SETDB1: variants seen among roughly 807,000 people sequenced by gnomAD.
SETDB1 encodes the protein histone-lysine N-methyltransferase SETDB1.
Under a neutral mutation model 137.4 loss-of-function variants are expected in SETDB1, and 31 were observed. That is an observed-to-expected ratio of 0.23 (90% CI 0.17 to 0.30). The LOEUF is 0.30. Ranked by LOEUF, SETDB1 falls within the 10% of genes least tolerant of loss-of-function variation. SETDB1 has a pLI of 1.00. For synonymous variants in SETDB1, 548 were observed against 579.9 expected (o/e 0.95, Z 0.79); for missense variants, 1,113 against 1,631.5 (o/e 0.68, Z 5.47).
At chr1:150,963,855 T>G in intron 20 of SETDB1, 114 bp downstream of exon 20, 1 of 1,308,742 alleles carries the variant, frequency 7.6e-7, no homozygotes, top group Non-Finnish European at 1.1e-6. Flanking sequence ...CAAAGGATCT[T>G]AAAGAGGTAG....
chr1:150,960,601 C>T lies in SETDB1; in HGVS notation c.2542C>T (p.Leu848=). The change falls in exon 16 of 22, where the codon CTG becomes TTG. Residue 848 remains leucine (L), a synonymous_variant. Coordinates refer to ENST00000692827, the MANE Select transcript of SETDB1 (RefSeq NM_001366418.1). The part of the protein sequence containing the change: ...LTDDFADKEG[L]EMGDEYFANL... The stretch of plus-strand genomic sequence containing the variant: ...AGATGACTTTGCAGACAAGGAGGGT[C>T]TGGAAATGGGTGATGAGTACTTTGC... 1 of 1,613,588 alleles carries T rather than the reference C, an allele frequency of 6.2e-7. No individual in the cohort carries two copies. Among genetic ancestry groups the T allele is most frequent in the South Asian group, 1.1e-5 (1 of 91,020 alleles).
rs41266594 is a variant in SETDB1, at chr1:150,964,655, T to C, written c.*291T>C. The C allele has an allele frequency of 2.1e-5, 13 of 607,716 alleles. No homozygotes were observed. The African/African-American group carries it at 2.2e-4, about 10-fold the overall frequency. 37.6% of individuals were successfully genotyped at this position (607,716 alleles called of 1,614,324 possible). A position where few individuals can be genotyped will look rare whatever the true frequency, so the allele number is the denominator to read the frequency against. On this transcript the variant is annotated 3_prime_UTR_variant, in exon 22 of 22. Coordinates refer to ENST00000692827, the MANE Select transcript of SETDB1 (RefSeq NM_001366418.1). ...AAGTGTTCCTGCTTCTAACAGACTT[T>C]GTTCTTAGAATGGAGCCTGTGTATC... is the stretch of plus-strand genomic sequence containing the variant.
intron 16 of SETDB1, 106 bp from the exon 17 acceptor site, chr1:150,962,024 A>G: frequency 7.5e-7 from 1 of 1,325,464 alleles, no homozygotes. Flanking sequence ...TAGAATGTGT[A>G]CCTGTCACTG....
Position 150,958,787 on chromosome 1 carries a change from CAT to C in SETDB1, c.2334-390_2334-389del, listed in dbSNP as rs587635773. Among the ~76,000 whole-genome samples, 341 of 152,186 alleles carry C rather than the reference CAT, an allele frequency of 2.2e-3. 2 individuals are homozygous for C. The highest frequency in any genetic ancestry group is 3.8e-3 in the African/African-American group (156 of 41,514). On this transcript the variant is annotated intron_variant, in intron 14 of 21. Transcript: ENST00000692827. ...AAGAAACCTCACCAGGAATTTCTCA[CAT>C]GTCTTTATTTTGTGCATCTATTTCT...
In SETDB1 at chr1:150,952,725, C is replaced by CA. The variant is rs879295337; in HGVS notation, c.2333+1256dup. The stretch of plus-strand genomic sequence containing the variant: ...AGAAATCCCGTCTCTACTAAAAATA[C>CA]AAAAAAAAAAAATTAGCCGGGCATG... On this transcript the variant is annotated intron_variant, in intron 14 of 21. Transcript: ENST00000692827. Among the ~76,000 whole-genome samples the CA allele has an allele frequency of 8.2e-4, 116 of 140,924 alleles. No individual in the cohort carries two copies. In the South Asian group the frequency reaches 8.9e-3, roughly 11 times the overall value. The allele number at this position is 140,924 out of a possible 152,430, so 92.5% of individuals were successfully genotyped here. A position where few individuals can be genotyped will look rare whatever the true frequency, so the allele number is the denominator to read the frequency against.
rs1219470660 is a variant in SETDB1 at position 150,946,990 on chromosome 1, G to T, written c.1245G>T (p.Gln415His). 3.7e-6 allele frequency: 6 copies of T among 1,614,140 alleles called. No homozygotes were observed. The South Asian group carries it at 4.4e-5, about 12-fold the overall frequency. Reference protein sequence around the residue: ...SASALEKKQGQLRTRPNMGAV... With the variant: ...SASALEKKQGHLRTRPNMGAV... ...CTGCACTGGAGAAGAAGCAAGGACA[G>T]CTCAGGACACGTCCAAATATGGGTA... The change falls in exon 10 of 22, where the codon CAG becomes CAT. Residue 415 changes from glutamine (Q) to histidine (H), a missense_variant. Coordinates refer to ENST00000692827, the MANE Select transcript of SETDB1 (RefSeq NM_001366418.1).
chr1:150,945,178 A>G (rs1331316211), intron 9 of SETDB1, 70 bp downstream of exon 9: 1 of 1,595,552 alleles, frequency 6.3e-7, no homozygotes, highest in Non-Finnish European at 8.5e-7. Flanking sequence ...AGTAATGAGG[A>G]TGGTTTTATA....
chr1:150,953,854 A>G (rs961926112), intron 14 of SETDB1, among the ~76,000 whole-genome samples: 1 of 151,960 alleles, frequency 6.6e-6, no homozygotes, highest in Non-Finnish European at 1.5e-5. Context: ...AAAATTAAAA[A>G]AAAAATTTTT....
At chr1:150,950,243 A>G (rs1477848843) in intron 12 of SETDB1, among the ~76,000 whole-genome samples, 2 of 152,156 alleles carry the variant, frequency 1.3e-5, no homozygotes, top group African/African-American at 4.8e-5. Flanking sequence ...CAAAAAAAAA[A>G]AGAGAAATAG....
intron 10 of SETDB1, 72 bp from the exon 11 acceptor site, chr1:150,949,050 G>A (rs1418050604): frequency 3.6e-6 from 5 of 1,396,738 alleles, no homozygotes; most frequent in Non-Finnish European, 3.0e-6. Flanking sequence ...ATAAGTTAAG[G>A]ATCAGATGTG....
Position 150,957,283 on chromosome 1 carries a change from G to A in SETDB1, c.2334-1895G>A, listed in dbSNP as rs587598331. Among the ~76,000 whole-genome samples, 9 of 152,176 alleles carry A rather than the reference G, an allele frequency of 5.9e-5. No homozygotes were observed. In the South Asian group the frequency reaches 8.3e-4, roughly 14 times the overall value. On this transcript the variant is annotated intron_variant, in intron 14 of 21. Coordinates refer to ENST00000692827, the MANE Select transcript of SETDB1 (RefSeq NM_001366418.1). ...CTTGGGAGGCTGAGGCAGGAGAATCGCTTGAACCCAGGAAGCGGAGGTTGG... is the reference window on the plus strand; with the variant it reads ...CTTGGGAGGCTGAGGCAGGAGAATCACTTGAACCCAGGAAGCGGAGGTTGG...
At chr1:150,943,751 T>G (rs1257889404) in intron 7 of SETDB1, among the ~76,000 whole-genome samples, 169 bp from the exon 8 acceptor site, 1 of 152,164 alleles carries the variant, frequency 6.6e-6, no homozygotes, top group Non-Finnish European at 1.5e-5. Context: ...CTCCTAACTC[T>G]CAAGTTGAGA....
In SETDB1 at chr1:150,927,754, A is replaced by G. The variant is rs1669579587; in HGVS notation, c.40A>G (p.Thr14Ala). The change falls in exon 2 of 22, where the codon ACA (threonine) becomes GCA (alanine). Residue 14 changes from threonine (T) to alanine (A), a missense_variant. Thr to Ala is a moderately conservative substitution (Grantham distance 58). Coordinates refer to ENST00000692827, the MANE Select transcript of SETDB1 (RefSeq NM_001366418.1). ...TGGGTGCATTGGTTTGGATGCAGCA[A>G]CAGCTACAGTGGAGTCTGAAGAGAT... ...LPGCIGLDAA[T>A]ATVESEEIAE... 6.2e-7 allele frequency: 1 copy of G among 1,614,076 alleles called. No homozygotes were observed. Among genetic ancestry groups the G allele is most frequent in the African/African-American group, 1.3e-5 (1 of 74,952 alleles).
chr1:150,928,898 T>C (rs1446101064), intron 2 of SETDB1, among the ~76,000 whole-genome samples: 1 of 152,210 alleles, frequency 6.6e-6, no homozygotes, highest in Admixed American at 6.5e-5. Context: ...TCCAGCTTCA[T>C]CCATGTGCCT....
chr1:150,959,826 C>T (rs1466097155), intron 15 of SETDB1, among the ~76,000 whole-genome samples: 2 of 152,144 alleles, frequency 1.3e-5, no homozygotes, highest in Non-Finnish European at 2.9e-5. Flanking sequence ...AATCCCAAAA[C>T]TTTGGGAGGC....
chr1:150,956,259 G>C (rs949920424), intron 14 of SETDB1, among the ~76,000 whole-genome samples: 1 of 151,734 alleles, frequency 6.6e-6, no homozygotes, highest in Admixed American at 6.6e-5. Context: ...GGTGGCAGGC[G>C]CCTGTAATCC....
chr1:150,940,044 A>G, intron 4 of SETDB1, 70 bp downstream of exon 4: 1 of 1,179,968 alleles, frequency 8.5e-7, no homozygotes, highest in South Asian at 1.3e-5. Context: ...TGGCCTAACC[A>G]TTTAATCAGT....
intron 16 of SETDB1, chr1:150,961,914 A>C: frequency 6.3e-6 from 4 of 633,250 alleles, no homozygotes; most frequent in Non-Finnish European, 8.6e-6. Flanking sequence ...GGTGTTTTCC[A>C]TGAGCATTAA....
intron 14 of SETDB1, among the ~76,000 whole-genome samples, chr1:150,955,197 C>T (rs1375314527): frequency 2.0e-5 from 3 of 152,128 alleles, no homozygotes; most frequent in African/African-American, 4.8e-5. Context: ...CTAACAATAG[C>T]GTTTAGATTT....
Sources: gnomAD v4.1 joint callset for allele counts (sites outside exome capture counted in the v4.1 genomes callset) on GRCh38, gnomAD v4.1.1 for gene constraint, MANE v1.5 for transcripts, NCBI Gene and HGNC (gene_info 2026-07-23, HGNC 2026-07-21) for gene names.